Variants in DGKG observed in about 807,000 individuals in gnomAD.
The protein encoded by DGKG is diacylglycerol kinase gamma.
DGKG carries 78 observed loss-of-function variants against 105.3 expected under a neutral mutation model. The ratio of observed to expected loss-of-function variants is 0.74; its 90% confidence interval spans 0.62 to 0.89. DGKG has a LOEUF of 0.89. DGKG is among the 40% of genes least tolerant of loss of function. The probability of loss-of-function intolerance (pLI) is 0.00; values close to 1 mark genes in which losing one functional copy is unlikely to be tolerated. For synonymous variants in DGKG, 346 were observed against 367.1 expected, an observed-to-expected ratio of 0.94 and a Z score of 0.66; for missense variants, 958 against 1,020.1, an observed-to-expected ratio of 0.94 and a Z score of 0.83.
chr3:186,167,364 T>A (rs1716597269), intron 22 of DGKG, among the ~76,000 whole-genome samples: 1 of 152,206 alleles, frequency 6.6e-6, no homozygotes. Context: ...GGTAAAGAAA[T>A]CTATGTAACA....
chr3:186,164,912 G>A lies in DGKG; in HGVS notation c.2202C>T (p.Ala734=). Residue 734 remains alanine (A), a synonymous_variant, in exon 23 of 25, where the codon GCC becomes GCT. Transcript: ENST00000265022. ...KSAGRRLAQC[A]SVTIRTNKLL... is the part of the protein sequence containing the mutation. The stretch of plus-strand genomic sequence containing the variant: ...AAGAGGCATACCTGATGGTGACAGA[G>A]GCGCACTGGGCCAGCCTCCTGCCTG... 6.2e-7 allele frequency: 1 copy of A among 1,613,144 alleles called. No homozygotes were observed. Among genetic ancestry groups the A allele is most frequent in the South Asian group, 1.1e-5 (1 of 90,956 alleles).
intron 1 of DGKG, among the ~76,000 whole-genome samples, chr3:186,322,530 G>T (rs1315608582): frequency 2.6e-5 from 4 of 152,028 alleles, no homozygotes; most frequent in African/African-American, 7.2e-5. Context: ...CCCGTGACAT[G>T]TGATTTACCC....
rs898289285 is a variant in DGKG at position 186,148,498 on chromosome 3, T to C, written c.*1592A>G. 1.2e-5 allele frequency: 12 copies of C among 985,350 alleles called. No homozygotes were observed. In the African/African-American group the frequency reaches 1.2e-4, roughly 10 times the overall value. 61.0% of individuals were successfully genotyped at this position (985,350 alleles called of 1,614,324 possible). Reference sequence around the variant, plus strand: ...TGTGTGGGGATATCCCATCCACGCATGTGCTGTACGTTTGTTCCTCCCTGG... The same window carrying C: ...TGTGTGGGGATATCCCATCCACGCACGTGCTGTACGTTTGTTCCTCCCTGG... On this transcript the variant is annotated 3_prime_UTR_variant, in exon 25 of 25. Coordinates refer to ENST00000265022, the MANE Select transcript of DGKG (RefSeq NM_001346.3).
At chr3:186,278,982 C>G (rs933119849) in intron 9 of DGKG, among the ~76,000 whole-genome samples, 3 of 152,198 alleles carry the variant, frequency 2.0e-5, no homozygotes, top group Admixed American at 2.0e-4. Context: ...GTGGAGAATA[C>G]AGTAACTGGG....
chr3:186,162,046 C>T (rs377394685), intron 23 of DGKG, among the ~76,000 whole-genome samples: 1 of 152,206 alleles, frequency 6.6e-6, no homozygotes, highest in South Asian at 2.1e-4. Context: ...AGGCATGTGC[C>T]ACCACACCCA....
At position 186,337,423 on chromosome 3, in the gene DGKG, A is replaced by G. The variant is rs572047419; in HGVS notation, c.-248-16716T>C. 2.6e-5 allele frequency among the ~76,000 whole-genome samples: 4 copies of G among 152,268 alleles called. No homozygotes were observed. The South Asian group carries it at 8.3e-4, about 32-fold the overall frequency. ...ATATAATAAAAAAACAAACAAAAAAACAAACAAAACCTTTAAGCACATCAG... is the reference window on the plus strand; with the variant it reads ...ATATAATAAAAAAACAAACAAAAAAGCAAACAAAACCTTTAAGCACATCAG... On this transcript the variant is annotated intron_variant, in intron 1 of 24. Transcript: ENST00000265022.
chr3:186,245,237 C>T (rs1333327607), intron 19 of DGKG, among the ~76,000 whole-genome samples: 1 of 152,156 alleles, frequency 6.6e-6, no homozygotes, highest in Non-Finnish European at 1.5e-5. Context: ...GCCTTTAAAA[C>T]ATTATTAGTG....
In DGKG at chr3:186,280,748, G is replaced by C. The variant is rs775323464; in HGVS notation, c.595-4C>G. On this transcript the variant is annotated splice_polypyrimidine_tract_variant and splice_region_variant and intron_variant, in intron 7 of 24. Transcript: ENST00000265022. Reference sequence around the variant, plus strand: ...GGTTGACAATGCAATCCATCTCCTAGAAAATAGCAAAGGGAGAAAATATCA... The same window carrying C: ...GGTTGACAATGCAATCCATCTCCTACAAAATAGCAAAGGGAGAAAATATCA... 28 of 1,612,720 alleles carry C rather than the reference G, an allele frequency of 1.7e-5. No homozygotes were observed. The highest frequency in any genetic ancestry group is 2.4e-5 in the Non-Finnish European group (28 of 1,178,772).
At chr3:186,178,485 A>G (rs142836784) in intron 22 of DGKG, among the ~76,000 whole-genome samples, 1 of 152,194 alleles carries the variant, frequency 6.6e-6, no homozygotes, top group African/African-American at 2.4e-5. Flanking sequence ...GTGAAAAGTG[A>G]AAGGTTCCTT....
chr3:186,309,194 G>C (rs1724398938), intron 2 of DGKG, among the ~76,000 whole-genome samples: 1 of 151,968 alleles, frequency 6.6e-6, no homozygotes, highest in South Asian at 2.2e-4. Flanking sequence ...CCCTATAAAG[G>C]AGGTAGCATT....
rs141775714 is a variant in DGKG, at chr3:186,263,342, G to A, written c.1270-1564C>T. ...AGCACTTTGGGAGGCTGAGGCAGGC[G>A]GATCACCTGAGGTCAGGAGTTCGAG... On this transcript the variant is annotated intron_variant, in intron 14 of 24. Transcript: ENST00000265022. Among the ~76,000 whole-genome samples, 702 of 151,990 alleles carry A rather than the reference G, an allele frequency of 4.6e-3. 3 individuals carry two copies. Among genetic ancestry groups the A allele is most frequent in the African/African-American group, 0.016 (673 of 41,424 alleles).
intron 20 of DGKG, among the ~76,000 whole-genome samples, chr3:186,220,385 A>G (rs536136458): frequency 4.9e-4 from 74 of 152,262 alleles, no homozygotes; most frequent in African/African-American, 1.6e-3. Context: ...ACAGCTTAGG[A>G]AACCGAGATC....
intron 24 of DGKG, among the ~76,000 whole-genome samples, chr3:186,152,766 C>T (rs982982354): frequency 2.6e-5 from 4 of 152,106 alleles, no homozygotes; most frequent in African/African-American, 9.7e-5. Flanking sequence ...CAGGTTCAAG[C>T]GATTCTTCTG....
chr3:186,343,435 T>G (rs893017096), intron 1 of DGKG, among the ~76,000 whole-genome samples: 1 of 152,192 alleles, frequency 6.6e-6, no homozygotes, highest in East Asian at 1.9e-4. Flanking sequence ...GGACCACAGA[T>G]GCGCACCACC....
At chr3:186,335,683 G>A (rs546212954) in intron 1 of DGKG, among the ~76,000 whole-genome samples, 2 of 152,252 alleles carry the variant, frequency 1.3e-5, no homozygotes, top group South Asian at 4.1e-4. Flanking sequence ...AATTAGCCAA[G>A]GTAACGCTAT....
chr3:186,170,766 T>A (rs555762788), intron 22 of DGKG, among the ~76,000 whole-genome samples: 10 of 152,194 alleles, frequency 6.6e-5, no homozygotes, highest in Non-Finnish European at 1.3e-4. Context: ...CAATGGTCAG[T>A]CTATCTACCT....
intron 20 of DGKG, among the ~76,000 whole-genome samples, chr3:186,225,224 C>T (rs776468553): frequency 7.9e-5 from 12 of 152,036 alleles, no homozygotes; most frequent in African/African-American, 9.7e-5. Flanking sequence ...CTCTCAGCTT[C>T]GCAAAGTGTA....
intron 1 of DGKG, among the ~76,000 whole-genome samples, chr3:186,349,850 C>T (rs573636141): frequency 1.3e-5 from 2 of 151,668 alleles, no homozygotes; most frequent in Admixed American, 6.6e-5. Flanking sequence ...AGTACAGTTA[C>T]ATTGTTGTGC....
chr3:186,201,255 T>C (rs1450829361), intron 21 of DGKG, among the ~76,000 whole-genome samples: 1 of 150,332 alleles, frequency 6.7e-6, no homozygotes, highest in Non-Finnish European at 1.5e-5. Context: ...CAACCTGGAG[T>C]GGATGGGGCT....
Sources: gnomAD v4.1 joint callset for allele counts (sites outside exome capture counted in the v4.1 genomes callset) on GRCh38, gnomAD v4.1.1 for gene constraint, MANE v1.5 for transcripts, NCBI Gene and HGNC (gene_info 2026-07-23, HGNC 2026-07-21) for gene names.